The following UNC5C variants were observed in gnomAD, a reference collection of about 807,000 sequenced individuals.
The protein encoded by UNC5C is unc-5 netrin receptor C.
Under a neutral mutation model 99.8 loss-of-function variants are expected in UNC5C, and 47 were observed. The observed-to-expected ratio is 0.47, with a 90% confidence interval of 0.37 to 0.60. The LOEUF (loss-of-function observed/expected upper bound fraction) is 0.60. Ranked by LOEUF, UNC5C falls within the 20% of genes least tolerant of loss-of-function variation. The pLI, the probability that UNC5C is intolerant of heterozygous loss-of-function variation, is 0.00. For synonymous variants in UNC5C, 487 were observed against 452.2 expected, an observed-to-expected ratio of 1.08 and a Z score of -0.98; for missense variants, 1,062 against 1,165.9, an observed-to-expected ratio of 0.91 and a Z score of 1.30.
At chr4:95,176,962 C>T (rs1736382954) in intron 14 of UNC5C, among the ~76,000 whole-genome samples, 1 of 120,868 alleles carries the variant, frequency 8.3e-6, no homozygotes, top group Admixed American at 9.4e-5. Context: ...TTTTTTAAGC[C>T]CGTGGGAAAA....
intron 1 of UNC5C, among the ~76,000 whole-genome samples, chr4:95,363,754 C>G (rs1417913392): frequency 6.6e-6 from 1 of 152,128 alleles, no homozygotes; most frequent in Admixed American, 6.6e-5. Context: ...GGTGAAATAA[C>G]AGCTACAGTA....
At chr4:95,512,693 G>A (rs905028643) in intron 1 of UNC5C, among the ~76,000 whole-genome samples, 14 of 152,014 alleles carry the variant, frequency 9.2e-5, no homozygotes, top group African/African-American at 3.4e-4. Flanking sequence ...TTTATTATAT[G>A]CAATTATATG....
intron 2 of UNC5C, among the ~76,000 whole-genome samples, chr4:95,333,952 G>A (rs1003398519): frequency 5.9e-5 from 9 of 151,958 alleles, no homozygotes; most frequent in Non-Finnish European, 1.2e-4. Flanking sequence ...TATTTTCTGA[G>A]TAATTAGACC....
intron 7 of UNC5C, among the ~76,000 whole-genome samples, chr4:95,238,433 A>C (rs761860925): frequency 1.4e-4 from 21 of 152,148 alleles, no homozygotes; most frequent in Non-Finnish European, 3.1e-4. Context: ...TTCCTGAGCA[A>C]TATATAGAAA....
chr4:95,441,765 G>A (rs1746958577), intron 1 of UNC5C, among the ~76,000 whole-genome samples: 1 of 152,132 alleles, frequency 6.6e-6, no homozygotes. Context: ...AATTAAGTGA[G>A]GCACAGTGAT....
chr4:95,261,552 A>G (rs1186470518), intron 4 of UNC5C, among the ~76,000 whole-genome samples: 2 of 152,214 alleles, frequency 1.3e-5, no homozygotes, highest in Non-Finnish European at 2.9e-5. Flanking sequence ...ATAAATAACT[A>G]AGGGAACACT....
chr4:95,520,734 A>G (rs562380867), intron 1 of UNC5C, among the ~76,000 whole-genome samples: 137 of 151,272 alleles, frequency 9.1e-4, no homozygotes, highest in Non-Finnish European at 1.7e-3. Context: ...GAGTAGCTGG[A>G]ACTACAGGTG....
At chr4:95,407,303 G>A (rs915626738) in intron 1 of UNC5C, among the ~76,000 whole-genome samples, 1 of 152,056 alleles carries the variant, frequency 6.6e-6, no homozygotes, top group African/African-American at 2.4e-5. Context: ...TTCATTTTGA[G>A]GAAGATGCTA....
At chr4:95,352,107 C>T (rs914375076) in intron 1 of UNC5C, among the ~76,000 whole-genome samples, 4 of 152,238 alleles carry the variant, frequency 2.6e-5, no homozygotes, top group South Asian at 2.1e-4. Context: ...CATACACAAC[C>T]TTCCACTCCA....
At chr4:95,302,187 ATTACT>A (rs1288096197) in intron 2 of UNC5C, among the ~76,000 whole-genome samples, 6 of 152,224 alleles carry the variant, frequency 3.9e-5, no homozygotes, top group African/African-American at 1.4e-4. Flanking sequence ...TAATAACTAA[ATTACT>A]TTAGCAGTTG....
intron 9 of UNC5C, among the ~76,000 whole-genome samples, chr4:95,216,886 A>G (rs1738271953): frequency 6.6e-6 from 1 of 152,242 alleles, no homozygotes; most frequent in Admixed American, 6.5e-5. Flanking sequence ...GTTAAACCAC[A>G]GATTACTGGT....
intron 4 of UNC5C, among the ~76,000 whole-genome samples, chr4:95,260,549 C>T (rs771281688): frequency 1.3e-4 from 20 of 152,102 alleles, no homozygotes; most frequent in Admixed American, 2.0e-4. Flanking sequence ...TTCTCTCTCC[C>T]CACAGAAAGG....
intron 1 of UNC5C, among the ~76,000 whole-genome samples, chr4:95,491,275 A>G (rs1056996077): frequency 9.2e-5 from 14 of 151,754 alleles, no homozygotes; most frequent in African/African-American, 3.1e-4. Flanking sequence ...ATAGTGCTGT[A>G]TTGCTATTTT....
rs557871672 is a variant in UNC5C at position 95,315,852 on chromosome 4, T to C, written c.347-14103A>G. ...ACAAAACTGAGTTTCAGCATAAAAA[T>C]GGATATATTACACAGAGAGTATACA... On this transcript the variant is annotated intron_variant, in intron 2 of 15. Transcript: ENST00000453304. 1.3e-3 allele frequency among the ~76,000 whole-genome samples: 194 copies of C among 152,248 alleles called. 1 individual carries two copies. The highest frequency in any genetic ancestry group is 4.4e-3 in the African/African-American group (184 of 41,560).
At chr4:95,226,210 AG>A (rs1450404404) in intron 7 of UNC5C, among the ~76,000 whole-genome samples, 2 of 152,230 alleles carry the variant, frequency 1.3e-5, no homozygotes, top group South Asian at 2.1e-4. Flanking sequence ...GGCTAAGAAA[AG>A]CACCAGGCCA....
intron 1 of UNC5C, among the ~76,000 whole-genome samples, chr4:95,370,701 G>A (rs1744721315): frequency 2.6e-5 from 4 of 152,212 alleles, no homozygotes; most frequent in Admixed American, 2.6e-4. Context: ...TGCAAAAGCA[G>A]CAAACTGCAC....
chr4:95,309,758 T>C (rs1260646187), intron 2 of UNC5C, among the ~76,000 whole-genome samples: 1 of 151,976 alleles, frequency 6.6e-6, no homozygotes, highest in Non-Finnish European at 1.5e-5. Flanking sequence ...ATGGCTACTA[T>C]CAAAAAGACA....
At chr4:95,350,331 A>C (rs1372229689) in intron 1 of UNC5C, among the ~76,000 whole-genome samples, 1 of 152,054 alleles carries the variant, frequency 6.6e-6, no homozygotes, top group African/African-American at 2.4e-5. Context: ...TACTAAAAAT[A>C]CAAAAATTAG....
intron 2 of UNC5C, among the ~76,000 whole-genome samples, chr4:95,327,197 C>T (rs1742920189): frequency 6.6e-6 from 1 of 152,074 alleles, no homozygotes; most frequent in Admixed American, 6.6e-5. Context: ...CAACCTCCAC[C>T]CCTAAAAAAA....
Sources: gnomAD v4.1 joint callset for allele counts (sites outside exome capture counted in the v4.1 genomes callset) on GRCh38, gnomAD v4.1.1 for gene constraint, MANE v1.5 for transcripts, NCBI Gene and HGNC (gene_info 2026-07-23, HGNC 2026-07-21) for gene names.